Variants in XKR6 observed in about 807,000 individuals in gnomAD.
XKR6 encodes the protein XK-related protein 6.
In XKR6, 22 loss-of-function variants were observed where a neutral mutation model predicts 56.7. That is an observed-to-expected ratio of 0.39 (90% confidence interval 0.28 to 0.55). XKR6 has a LOEUF of 0.55. XKR6 is among the 20% of genes least tolerant of loss of function. The probability of loss-of-function intolerance (pLI) is 0.66; values close to 1 mark genes in which losing one functional copy is unlikely to be tolerated. For missense variants in XKR6, 852 were observed against 889.0 expected, an observed-to-expected ratio of 0.96 and a Z score of 0.53; for synonymous variants, 524 against 387.8, an observed-to-expected ratio of 1.35 and a Z score of -4.13.
In XKR6 at chr8:11,022,431, C is replaced by T. The variant is rs1798769025; in HGVS notation, c.765-97601G>A. Among the ~76,000 whole-genome samples the T allele has an allele frequency of 1.3e-5, 2 of 152,146 alleles. 1 individual carries two copies. Among genetic ancestry groups the T allele is most frequent in the South Asian group, 4.1e-4 (2 of 4,834 alleles). ...TGTTCAAACATGTCCAAGCAGTCCC[C>T]CTGGGTCCAAGGCAGAGGGCCCACT... On this transcript the variant is annotated intron_variant, in intron 1 of 2. Transcript: ENST00000416569.
chr8:11,031,418 C>T (rs1455554940), intron 1 of XKR6, among the ~76,000 whole-genome samples: 2 of 152,160 alleles, frequency 1.3e-5, no homozygotes, highest in Non-Finnish European at 2.9e-5. Context: ...TGAGGCAGGT[C>T]CGAGTAAGGC....
chr8:11,104,292 T>C (rs926742504), intron 1 of XKR6, among the ~76,000 whole-genome samples: 1 of 152,230 alleles, frequency 6.6e-6, no homozygotes, highest in Non-Finnish European at 1.5e-5. Flanking sequence ...ACTTCCTGCC[T>C]GCCGGCATCC....
rs551975580 is a variant in XKR6, at chr8:11,075,173, G to A, written c.764+125403C>T. Reference sequence around the variant, plus strand: ...GGAACCCTGCCATGGCTTGAACTCTGGGGAAAAAAAGGGTGGTTGTCTACA... The same window carrying A: ...GGAACCCTGCCATGGCTTGAACTCTAGGGAAAAAAAGGGTGGTTGTCTACA... On this transcript the variant is annotated intron_variant, in intron 1 of 2. Transcript: ENST00000416569. Among the ~76,000 whole-genome samples, 166 of 152,186 alleles carry A rather than the reference G, an allele frequency of 1.1e-3. 2 individuals carry two copies. The highest frequency in any genetic ancestry group is 1.6e-3 in the Admixed American group (25 of 15,284).
intron 1 of XKR6, among the ~76,000 whole-genome samples, chr8:11,159,529 T>G (rs572430120): frequency 6.6e-6 from 1 of 152,358 alleles, no homozygotes; most frequent in South Asian, 2.1e-4. Flanking sequence ...TCAGGCAGGC[T>G]GGACCCATCC....
At chr8:10,983,730 A>C (rs962513372) in intron 1 of XKR6, among the ~76,000 whole-genome samples, 3 of 151,396 alleles carry the variant, frequency 2.0e-5, no homozygotes, top group Non-Finnish European at 2.9e-5. Context: ...ATCTCAGCTC[A>C]CTGCAAGCTC....
chr8:10,928,473 G>A (rs956287739), intron 1 of XKR6, among the ~76,000 whole-genome samples: 1 of 152,272 alleles, frequency 6.6e-6, no homozygotes, highest in African/African-American at 2.4e-5. Context: ...CTGGGCCAGC[G>A]CTGCTCTCCC....
chr8:11,027,474 G>A (rs563828969), intron 1 of XKR6, among the ~76,000 whole-genome samples: 2 of 152,228 alleles, frequency 1.3e-5, no homozygotes, highest in South Asian at 4.2e-4. Flanking sequence ...CAGATCTAGA[G>A]CATTCATATT....
chr8:10,952,828 C>T (rs963968004), intron 1 of XKR6, among the ~76,000 whole-genome samples: 14 of 152,188 alleles, frequency 9.2e-5, no homozygotes, highest in Non-Finnish European at 1.9e-4. Flanking sequence ...TGGTCTGTGG[C>T]CTGTTAGGAA....
At chr8:11,081,648 C>T (rs76036198) in intron 1 of XKR6, among the ~76,000 whole-genome samples, 24 of 152,284 alleles carry the variant, frequency 1.6e-4, no homozygotes, top group South Asian at 4.1e-4. Context: ...CCTTTCCCCA[C>T]GGCTCTGACT....
At chr8:10,901,002 G>A (rs1321907860) in intron 2 of XKR6, among the ~76,000 whole-genome samples, 2 of 151,088 alleles carry the variant, frequency 1.3e-5, no homozygotes, top group African/African-American at 4.9e-5. Context: ...ATGCTCCAGT[G>A]AGCCCAGCTA....
chr8:10,995,108 A>C (rs1798079983), intron 1 of XKR6, among the ~76,000 whole-genome samples: 2 of 152,194 alleles, frequency 1.3e-5, no homozygotes, highest in African/African-American at 4.8e-5. Flanking sequence ...AAAAAGCCTT[A>C]ATGATTCATG....
At chr8:11,098,446 G>A (rs1699826100) in intron 1 of XKR6, among the ~76,000 whole-genome samples, 1 of 152,142 alleles carries the variant, frequency 6.6e-6, no homozygotes, top group African/African-American at 2.4e-5. Context: ...CGCTACTAAT[G>A]CTGTGTGTAC....
intron 1 of XKR6, among the ~76,000 whole-genome samples, chr8:11,144,323 G>A (rs1421399435): frequency 1.3e-5 from 2 of 149,846 alleles, no homozygotes; most frequent in Non-Finnish European, 3.0e-5. Flanking sequence ...AGGAAGAAGC[G>A]GGTATAACCC....
chr8:10,933,488 G>A (rs371402663), intron 1 of XKR6, among the ~76,000 whole-genome samples: 1 of 129,144 alleles, frequency 7.7e-6, no homozygotes, highest in Non-Finnish European at 1.7e-5. Flanking sequence ...TATGTCCTGA[G>A]TGGTAATGCC....
intron 1 of XKR6, among the ~76,000 whole-genome samples, chr8:10,958,463 G>C (rs1801963841): frequency 6.6e-6 from 1 of 152,256 alleles, no homozygotes; most frequent in Admixed American, 6.5e-5. Context: ...CCCACATCCA[G>C]CTACTCAGGG....
At chr8:11,193,652 A>T (rs1029752516) in intron 1 of XKR6, among the ~76,000 whole-genome samples, 5 of 152,122 alleles carry the variant, frequency 3.3e-5, no homozygotes, top group African/African-American at 1.2e-4. Flanking sequence ...ATCACTAAAA[A>T]AATTTTTTTT....
chr8:10,915,390 C>G (rs923778493), intron 2 of XKR6, among the ~76,000 whole-genome samples: 1 of 152,220 alleles, frequency 6.6e-6, no homozygotes, highest in Admixed American at 6.5e-5. Context: ...GCTGAGGAAG[C>G]CTGCGCTCAT....
chr8:10,949,028 T>C (rs1332426349), intron 1 of XKR6, among the ~76,000 whole-genome samples: 1 of 152,098 alleles, frequency 6.6e-6, no homozygotes, highest in Non-Finnish European at 1.5e-5. Flanking sequence ...AAAGGCCACA[T>C]CTCCACTGAG....
chr8:11,188,046 T>G (rs972858847), intron 1 of XKR6, among the ~76,000 whole-genome samples: 5 of 152,200 alleles, frequency 3.3e-5, no homozygotes, highest in South Asian at 4.1e-4. Context: ...TCTACAGCCC[T>G]GTTATTTTTA....
Sources: allele counts gnomAD v4.1 joint callset (sites outside exome capture counted in the v4.1 genomes callset), GRCh38; gene constraint gnomAD v4.1.1; transcripts MANE v1.5; gene names NCBI Gene and HGNC (gene_info 2026-07-23, HGNC 2026-07-21).